Variants in ZNF277 observed in about 807,000 individuals in gnomAD.
The protein encoded by ZNF277 is zinc finger protein 277.
Under a neutral mutation model 60.7 loss-of-function variants are expected in ZNF277, and 55 were observed. That is an observed-to-expected ratio of 0.91 (90% CI 0.73 to 1.13). The LOEUF is 1.13. ZNF277 is among the 50% of genes most tolerant of loss of function. The pLI, the probability that ZNF277 is intolerant of heterozygous loss-of-function variation, is 0.00. For missense variants in ZNF277, 510 were observed against 523.0 expected, an observed-to-expected ratio of 0.98 and a Z score of 0.24; for synonymous variants, 178 against 179.3, an observed-to-expected ratio of 0.99 and a Z score of 0.06.
intron 5 of ZNF277, among the ~76,000 whole-genome samples, chr7:112,323,297 T>C (rs1793025965): frequency 1.3e-5 from 2 of 152,248 alleles, no homozygotes; most frequent in Admixed American, 1.3e-4. Context: ...TTTTAAATGT[T>C]TTGGCCTATT....
intron 4 of ZNF277, among the ~76,000 whole-genome samples, chr7:112,302,582 A>C (rs1277848811): frequency 2.0e-5 from 3 of 152,098 alleles, no homozygotes; most frequent in African/African-American, 7.2e-5. Flanking sequence ...GTGACCATTG[A>C]GTAAGTTTAA....
At chr7:112,303,190 A>G (rs908687854) in intron 4 of ZNF277, among the ~76,000 whole-genome samples, 1 of 152,096 alleles carries the variant, frequency 6.6e-6, no homozygotes, top group East Asian at 1.9e-4. Context: ...ACCTCAAGTG[A>G]TCCACCTGCC....
At chr7:112,285,993 C>T (rs576927510) in intron 1 of ZNF277, among the ~76,000 whole-genome samples, 4 of 152,138 alleles carry the variant, frequency 2.6e-5, no homozygotes, top group Admixed American at 2.6e-4. Context: ...ACCCCAGTTT[C>T]CTGATTACTA....
chr7:112,240,098 C>T (rs1790911455), intron 1 of ZNF277, among the ~76,000 whole-genome samples: 1 of 151,934 alleles, frequency 6.6e-6, no homozygotes, highest in Non-Finnish European at 1.5e-5. Flanking sequence ...AATCAAAAAG[C>T]CTACAACAGA....
At chr7:112,332,654 T>G (rs1793250390) in intron 7 of ZNF277, among the ~76,000 whole-genome samples, 1 of 152,218 alleles carries the variant, frequency 6.6e-6, no homozygotes, top group Admixed American at 6.5e-5. Context: ...CGTTTCCACT[T>G]CCTATTCCTA....
In ZNF277 at chr7:112,342,775, A is replaced by G. The variant is rs576349148; in HGVS notation, c.*46A>G. On this transcript the variant is annotated 3_prime_UTR_variant, in exon 12 of 12. Coordinates refer to ENST00000361822, the MANE Select transcript of ZNF277 (RefSeq NM_021994.3). ...GAAACTACCACAGAAGCAATTTTTCATGTTTTTCTCCTATGAGACAGATAT... is the reference window on the plus strand; with the variant it reads ...GAAACTACCACAGAAGCAATTTTTCGTGTTTTTCTCCTATGAGACAGATAT... 2.2e-5 allele frequency: 31 copies of G among 1,411,532 alleles called. No homozygotes were observed. In the East Asian group the frequency reaches 7.2e-4, roughly 33 times the overall value. 87.4% of individuals were successfully genotyped at this position (1,411,532 alleles called of 1,614,324 possible). A position where few individuals can be genotyped will look rare whatever the true frequency, so the allele number is the denominator to read the frequency against.
intron 1 of ZNF277, among the ~76,000 whole-genome samples, chr7:112,237,653 G>A (rs1027854588): frequency 5.3e-5 from 8 of 151,932 alleles, no homozygotes; most frequent in Non-Finnish European, 8.8e-5. Flanking sequence ...GAACCAGGAA[G>A]AAATAGAAAT....
intron 2 of ZNF277, chr7:112,288,795 C>T (rs1792130836): frequency 6.6e-6 from 1 of 150,870 alleles, no homozygotes; most frequent in Non-Finnish European, 1.5e-5. Context: ...TAGAAGAGGA[C>T]CAGTCTTTGG....
chr7:112,286,447 C>T (rs1249339066), intron 1 of ZNF277, among the ~76,000 whole-genome samples: 1 of 152,150 alleles, frequency 6.6e-6, no homozygotes, highest in Admixed American at 6.6e-5. Context: ...CATCATCTGT[C>T]GCCTTAATGT....
intron 9 of ZNF277, among the ~76,000 whole-genome samples, chr7:112,339,306 A>C (rs1431340194): frequency 6.6e-6 from 1 of 152,230 alleles, no homozygotes; most frequent in African/African-American, 2.4e-5. Flanking sequence ...GATATAAGCT[A>C]TGAGCAATTA....
intron 1 of ZNF277, among the ~76,000 whole-genome samples, chr7:112,272,789 C>T (rs1205561872): frequency 2.0e-5 from 3 of 152,122 alleles, no homozygotes; most frequent in African/African-American, 7.2e-5. Context: ...CCACTGTACC[C>T]GGCCTTATTT....
chr7:112,278,140 T>G (rs1791854088), intron 1 of ZNF277, among the ~76,000 whole-genome samples: 1 of 152,220 alleles, frequency 6.6e-6, no homozygotes, highest in Non-Finnish European at 1.5e-5. Context: ...AATTTCCTTG[T>G]GTTTTCTCCC....
intron 4 of ZNF277, among the ~76,000 whole-genome samples, chr7:112,299,159 T>C (rs1294737039): frequency 4.6e-5 from 7 of 152,206 alleles, no homozygotes; most frequent in Admixed American, 4.6e-4. Flanking sequence ...ATCACAATTT[T>C]ATGCTACATA....
chr7:112,293,472 G>A (rs1026937398), intron 2 of ZNF277, among the ~76,000 whole-genome samples: 1 of 151,664 alleles, frequency 6.6e-6, no homozygotes, highest in African/African-American at 2.4e-5. Flanking sequence ...CCAGCTACTC[G>A]GGAGGCTGAG....
chr7:112,220,867 T>C lies in ZNF277; in HGVS notation c.91+14060T>C, dbSNP rs112513971. Among the ~76,000 whole-genome samples, 119 of 152,234 alleles carry C rather than the reference T, an allele frequency of 7.8e-4. 2 individuals are homozygous for C. Among genetic ancestry groups the C allele is most frequent in the African/African-American group, 2.8e-3 (116 of 41,550 alleles). On this transcript the variant is annotated intron_variant, in intron 1 of 11. Coordinates refer to ENST00000361822, the MANE Select transcript of ZNF277 (RefSeq NM_021994.3). Reference sequence around the variant, plus strand: ...CTGAGAGCATAGGGGGAGGGACAATTGTCAGGATATAAACCCAGGCATTCC... The same window carrying C: ...CTGAGAGCATAGGGGGAGGGACAATCGTCAGGATATAAACCCAGGCATTCC...
At chr7:112,247,964 T>C (rs1041132134) in intron 1 of ZNF277, among the ~76,000 whole-genome samples, 15 of 28,734 alleles carry the variant, frequency 5.2e-4, no homozygotes, top group Admixed American at 1.3e-3. Context: ...TGAAACTCCA[T>C]CTCAAAAAAA....
At chr7:112,313,973 T>G (rs1204865286) in intron 4 of ZNF277, among the ~76,000 whole-genome samples, 1 of 152,146 alleles carries the variant, frequency 6.6e-6, no homozygotes, top group Non-Finnish European at 1.5e-5. Context: ...TGTGTGCATG[T>G]GGCATAGAGG....
rs1793471799 is a variant in ZNF277 at position 112,342,833 on chromosome 7, A to C, written c.*104A>C. On this transcript the variant is annotated 3_prime_UTR_variant, in exon 12 of 12. Coordinates refer to ENST00000361822, the MANE Select transcript of ZNF277 (RefSeq NM_021994.3). ...CAATTTAAATTTGAACATCAACAAA[A>C]GATTGGTCCTTGGTGAAATAAACTT... is the stretch of plus-strand genomic sequence containing the variant. 5 of 940,156 alleles carry C rather than the reference A, an allele frequency of 5.3e-6. No individual in the cohort carries two copies. Among genetic ancestry groups the C allele is most frequent in the Non-Finnish European group, 5.8e-6 (4 of 695,054 alleles). 58.2% of individuals were successfully genotyped at this position (940,156 alleles called of 1,614,324 possible). A position where few individuals can be genotyped will look rare whatever the true frequency, so the allele number is the denominator to read the frequency against.
At chr7:112,301,121 C>T (rs865941519) in intron 4 of ZNF277, among the ~76,000 whole-genome samples, 2 of 151,860 alleles carry the variant, frequency 1.3e-5, no homozygotes, top group Non-Finnish European at 2.9e-5. Context: ...CTCCCTCTGT[C>T]GCCCAGGCTG....
Sources: gnomAD v4.1 joint callset for allele counts (sites outside exome capture counted in the v4.1 genomes callset) on GRCh38, gnomAD v4.1.1 for gene constraint, MANE v1.5 for transcripts, NCBI Gene and HGNC (gene_info 2026-07-23, HGNC 2026-07-21) for gene names.